Variants in DKK2 observed in about 807,000 individuals in gnomAD.
DKK2 encodes the protein dickkopf Wnt signaling pathway inhibitor 2.
Under a neutral mutation model 28.1 loss-of-function variants are expected in DKK2, and 11 were observed. The ratio of observed to expected loss-of-function variants is 0.39; its 90% CI spans 0.25 to 0.65. The LOEUF (loss-of-function observed/expected upper bound fraction) is 0.65, where lower values mean the gene tolerates loss of function less well. Among genes scored for constraint, DKK2 ranks in the 30% least tolerant of loss-of-function variants. The pLI, the probability that DKK2 is intolerant of heterozygous loss-of-function variation, is 0.47. For synonymous variants in DKK2, 135 were observed against 126.5 expected, an observed-to-expected ratio of 1.07 and a Z score of -0.45; for missense variants, 326 against 335.5, an observed-to-expected ratio of 0.97 and a Z score of 0.22.
At chr4:106,989,976 C>T (rs958610733) in intron 1 of DKK2, among the ~76,000 whole-genome samples, 9 of 152,112 alleles carry the variant, frequency 5.9e-5, no homozygotes, top group African/African-American at 2.2e-4. Flanking sequence ...ATTATTTTAA[C>T]AGAAATGAAT....
At chr4:107,018,993 G>A (rs1723652404) in intron 1 of DKK2, among the ~76,000 whole-genome samples, 1 of 151,954 alleles carries the variant, frequency 6.6e-6, no homozygotes, top group Non-Finnish European at 1.5e-5. Flanking sequence ...GTGGTTTTTA[G>A]TTGTTTTTAT....
intron 1 of DKK2, among the ~76,000 whole-genome samples, chr4:106,977,849 C>T (rs1578365159): frequency 6.6e-6 from 1 of 152,160 alleles, no homozygotes; most frequent in African/African-American, 2.4e-5. Flanking sequence ...CCTTTTTGCG[C>T]TGGGTTTTCC....
chr4:106,935,147 A>C (rs1724561460), intron 1 of DKK2, among the ~76,000 whole-genome samples: 1 of 152,198 alleles, frequency 6.6e-6, no homozygotes, highest in African/African-American at 2.4e-5. Context: ...TCCGGTCTAC[A>C]GCTCCCAGCA....
chr4:107,022,770 G>T (rs1723715832), intron 1 of DKK2, among the ~76,000 whole-genome samples: 1 of 152,054 alleles, frequency 6.6e-6, no homozygotes, highest in South Asian at 2.1e-4. Context: ...ATGAAAAATT[G>T]GGAGAGCAAT....
chr4:106,989,345 A>G (rs1723170865), intron 1 of DKK2, among the ~76,000 whole-genome samples: 1 of 152,170 alleles, frequency 6.6e-6, no homozygotes, highest in Admixed American at 6.5e-5. Flanking sequence ...TTTAGCCTTT[A>G]TGTTTTCCAG....
At chr4:106,932,543 C>T (rs1040744472) in intron 1 of DKK2, among the ~76,000 whole-genome samples, 2 of 152,246 alleles carry the variant, frequency 1.3e-5, no homozygotes, top group Non-Finnish European at 1.5e-5. Flanking sequence ...CTAGAGATAT[C>T]TAAACTACGA....
chr4:106,947,327 C>G (rs1459669190), intron 1 of DKK2, among the ~76,000 whole-genome samples: 1 of 152,126 alleles, frequency 6.6e-6, no homozygotes, highest in Non-Finnish European at 1.5e-5. Context: ...GCCTATGCTC[C>G]TCTCTGCTCA....
chr4:106,937,077 G>A (rs1200138676), intron 1 of DKK2, among the ~76,000 whole-genome samples: 1 of 151,944 alleles, frequency 6.6e-6, no homozygotes, highest in Non-Finnish European at 1.5e-5. Context: ...AAAATAACCA[G>A]CTAACATCAT....
chr4:106,955,853 C>G (rs746766587), intron 1 of DKK2, among the ~76,000 whole-genome samples: 1 of 152,176 alleles, frequency 6.6e-6, no homozygotes, highest in Non-Finnish European at 1.5e-5. Context: ...ACCCTTCTGT[C>G]AAGTCCTCTC....
chr4:106,937,044 A>T (rs1201247421), intron 1 of DKK2, among the ~76,000 whole-genome samples: 1 of 152,208 alleles, frequency 6.6e-6, no homozygotes, highest in Non-Finnish European at 1.5e-5. Context: ...AAGACTAGGA[A>T]GAAACTGCAT....
At chr4:106,983,361 A>AAAG (rs1723061969) in intron 1 of DKK2, among the ~76,000 whole-genome samples, 1 of 141,338 alleles carries the variant, frequency 7.1e-6, no homozygotes, top group Admixed American at 7.5e-5. Context: ...AGAAAGAAAG[A>AAAG]AAGAAAGAAG....
intron 1 of DKK2, among the ~76,000 whole-genome samples, chr4:106,983,337 G>GAAGGAAGAAAGA (rs1553923099): frequency 5.0e-5 from 6 of 120,432 alleles, no homozygotes; most frequent in Non-Finnish European, 8.5e-5. Flanking sequence ...AGGAAGAAAG[G>GAAGGAAGAAAGA]AAGAAAGAAA....
chr4:107,027,266 A>G (rs998644265), intron 1 of DKK2, among the ~76,000 whole-genome samples: 28 of 152,190 alleles, frequency 1.8e-4, no homozygotes, highest in African/African-American at 6.3e-4. Flanking sequence ...GTGATATTGA[A>G]TGATAATTCT....
chr4:106,993,181 C>G (rs1052557401), intron 1 of DKK2, among the ~76,000 whole-genome samples: 1 of 152,148 alleles, frequency 6.6e-6, no homozygotes, highest in Non-Finnish European at 1.5e-5. Context: ...TGCTTAATTC[C>G]CAATTTCCGC....
chr4:106,981,167 T>C (rs1001594624), intron 1 of DKK2, among the ~76,000 whole-genome samples: 2 of 152,020 alleles, frequency 1.3e-5, no homozygotes, highest in African/African-American at 4.8e-5. Context: ...AAAAAGGGAC[T>C]CAGAGTAAAG....
chr4:106,932,087 G>C (rs1450991847), intron 1 of DKK2, among the ~76,000 whole-genome samples: 1 of 152,054 alleles, frequency 6.6e-6, no homozygotes, highest in Non-Finnish European at 1.5e-5. Flanking sequence ...TGGAAGTTGA[G>C]GATCTGGACA....
chr4:106,960,520 T>C (rs1262579719), intron 1 of DKK2, among the ~76,000 whole-genome samples: 2 of 152,182 alleles, frequency 1.3e-5, no homozygotes, highest in Non-Finnish European at 2.9e-5. Context: ...ACTTTACCAC[T>C]GTACAATTTA....
chr4:106,958,542 A>G (rs1722636378), intron 1 of DKK2, among the ~76,000 whole-genome samples: 1 of 152,112 alleles, frequency 6.6e-6, no homozygotes, highest in Admixed American at 6.6e-5. Flanking sequence ...AGTAAAATCT[A>G]TATCCAAAGT....
intron 1 of DKK2, among the ~76,000 whole-genome samples, chr4:107,008,526 A>G (rs540094612): frequency 6.0e-4 from 91 of 152,032 alleles, no homozygotes; most frequent in Non-Finnish European, 1.1e-3. Flanking sequence ...AATAGGAGAA[A>G]GAAAAAGCAC....
Sources: allele counts gnomAD v4.1 joint callset (sites outside exome capture counted in the v4.1 genomes callset), GRCh38; gene constraint gnomAD v4.1.1; transcripts MANE v1.5; gene names NCBI Gene and HGNC (gene_info 2026-07-23, HGNC 2026-07-21).